The following GAREM1 variants were observed in gnomAD, a reference collection of about 807,000 sequenced individuals.
GAREM1 encodes the protein GRB2-associated and regulator of MAPK protein 1.
Under a neutral mutation model 71.3 loss-of-function variants are expected in GAREM1, and 26 were observed. That is an observed-to-expected ratio of 0.36 (90% CI 0.27 to 0.51). The LOEUF (loss-of-function observed/expected upper bound fraction) is 0.51, where lower values mean the gene tolerates loss of function less well. GAREM1 is among the 20% of genes least tolerant of loss of function. The probability of loss-of-function intolerance (pLI) is 0.95; values close to 1 mark genes in which losing one functional copy is unlikely to be tolerated. For missense variants in GAREM1, 1,026 were observed against 1,103.1 expected (o/e 0.93, Z 0.99); for synonymous variants, 440 against 433.2 (o/e 1.02, Z -0.20).
chr18:32,398,930 A>T (rs2048284489), intron 1 of GAREM1, among the ~76,000 whole-genome samples: 1 of 152,232 alleles, frequency 6.6e-6, no homozygotes, highest in African/African-American at 2.4e-5. Context: ...AAATACTGAC[A>T]AACTGAATCC....
At chr18:32,388,446 G>C (rs969210552) in intron 2 of GAREM1, among the ~76,000 whole-genome samples, 6 of 152,048 alleles carry the variant, frequency 3.9e-5, no homozygotes, top group Admixed American at 1.3e-4. Context: ...GAAAGAGCAA[G>C]ATAGTTACAG....
At chr18:32,286,995 A>G (rs1221718562) in intron 4 of GAREM1, 36 bp downstream of exon 4, 1 of 1,432,712 alleles carries the variant, frequency 7.0e-7, no homozygotes, top group Non-Finnish European at 9.8e-7. Context: ...AGAGACAGAA[A>G]GACTGGCACC....
rs553457164 is a variant in GAREM1, at chr18:32,341,958, G to A, written c.263-31635C>T. On this transcript the variant is annotated intron_variant, in intron 2 of 5. Coordinates refer to ENST00000269209, the MANE Select transcript of GAREM1 (RefSeq NM_001242409.2). ...GCTGAGGTTGCTGGTGATGAGGTAC[G>A]TCTGGGAGGATGACAAAGTGAGGTG... Among the ~76,000 whole-genome samples the A allele has an allele frequency of 5.3e-5, 8 of 152,116 alleles. No individual in the cohort carries two copies. In the East Asian group the frequency reaches 1.5e-3, roughly 29 times the overall value.
chr18:32,294,680 G>A (rs2047122897), intron 3 of GAREM1, among the ~76,000 whole-genome samples: 1 of 152,162 alleles, frequency 6.6e-6, no homozygotes, highest in African/African-American at 2.4e-5. Context: ...TTGAGTCATA[G>A]TTGTTGAATA....
At chr18:32,428,825 T>C (rs1010710744) in intron 1 of GAREM1, among the ~76,000 whole-genome samples, 4 of 152,216 alleles carry the variant, frequency 2.6e-5, no homozygotes, top group Admixed American at 2.6e-4. Context: ...AATGAGTATG[T>C]GGAATCATCT....
Position 32,287,541 on chromosome 18 carries a change from T to C in GAREM1, c.1056A>G (p.Glu352=), listed in dbSNP as rs16962977. 0.036 allele frequency: 57,345 copies of C among 1,614,114 alleles called. 3,148 individuals carry two copies. The highest frequency in any genetic ancestry group is 0.25 in the African/African-American group (18,965 of 74,980). The change falls in exon 4 of 6, where the codon GAA becomes GAG. Residue 352 remains glutamate (E), a synonymous_variant. Transcript: ENST00000269209. The surrounding 1 kb of genome is among the most constrained non-coding windows in gnomAD (Gnocchi z 5.9). The part of the protein sequence containing the change: ...AVRDVKTDWN[E]ECKSPKKGRC... ...GACCCTTCTTGGGGCTCTTGCATTC[T>C]TCATTCCAGTCGGTTTTCACATCAC...
At chr18:32,303,853 C>T (rs2047222592) in intron 3 of GAREM1, among the ~76,000 whole-genome samples, 1 of 151,600 alleles carries the variant, frequency 6.6e-6, no homozygotes, top group African/African-American at 2.4e-5. Flanking sequence ...CCCAGGAGTT[C>T]AAGGCTGCAA....
intron 1 of GAREM1, among the ~76,000 whole-genome samples, chr18:32,396,733 C>A (rs2048260898): frequency 1.3e-5 from 2 of 152,184 alleles, no homozygotes; most frequent in Admixed American, 1.3e-4. Flanking sequence ...AAACACTGTG[C>A]AGGATATTAT....
Position 32,287,369 on chromosome 18 carries a change from C to T in GAREM1, c.1228G>A (p.Gly410Arg), listed in dbSNP as rs2047032945. Reference protein sequence around the residue: ...EVNLHGCRDLGGDWAPFPHDI... With the variant: ...EVNLHGCRDLRGDWAPFPHDI... ...TGAGGAAAGGGAGCCCAATCTCCCCCCAGGTCCCTGCAACCATGAAGGTTC... is the reference window on the plus strand; with the variant it reads ...TGAGGAAAGGGAGCCCAATCTCCCCTCAGGTCCCTGCAACCATGAAGGTTC... The change falls in exon 4 of 6, where the codon GGG (glycine) becomes AGG (arginine). Residue 410 changes from glycine (G) to arginine (R), a missense_variant. Gly to Arg is a moderately radical substitution (Grantham distance 125). Coordinates refer to ENST00000269209, the MANE Select transcript of GAREM1 (RefSeq NM_001242409.2). The surrounding 1 kb of genome is among the most constrained non-coding windows in gnomAD (Gnocchi z 5.9). 1.2e-6 allele frequency: 2 copies of T among 1,614,234 alleles called. No individual in the cohort carries two copies. Among genetic ancestry groups the T allele is most frequent in the East Asian group, 2.2e-5 (1 of 44,878 alleles).
chr18:32,451,183 G>A (rs1468366594), intron 1 of GAREM1, among the ~76,000 whole-genome samples: 3 of 152,026 alleles, frequency 2.0e-5, no homozygotes, highest in African/African-American at 4.8e-5. Context: ...AATCATGGAA[G>A]CACAAACTGA....
At chr18:32,335,899 G>A (rs1161093734) in intron 2 of GAREM1, among the ~76,000 whole-genome samples, 1 of 152,192 alleles carries the variant, frequency 6.6e-6, no homozygotes, top group Non-Finnish European at 1.5e-5. Context: ...CAATGGGTTG[G>A]GCTGATGGTG....
intron 1 of GAREM1, among the ~76,000 whole-genome samples, chr18:32,410,247 A>G (rs1048404187): frequency 6.6e-6 from 1 of 152,184 alleles, no homozygotes; most frequent in Non-Finnish European, 1.5e-5. Context: ...ACTTAAATGT[A>G]TTTATTATTC....
rs1454096609 is a variant in GAREM1, at chr18:32,364,019, TATATATA to T, written c.262+28869_262+28875del. 1.0e-4 allele frequency among the ~76,000 whole-genome samples: 7 copies of T among 69,318 alleles called. No individual in the cohort carries two copies. In the East Asian group the frequency reaches 1.9e-3, roughly 18 times the overall value. 45.5% of individuals were successfully genotyped at this position (69,318 alleles called of 152,430 possible). On this transcript the variant is annotated intron_variant, in intron 2 of 5. Coordinates refer to ENST00000269209, the MANE Select transcript of GAREM1 (RefSeq NM_001242409.2). ...ACATATATATATATATATATATATA[TATATATA>T]TGTTTTTTTTTTTTTTTTTTTTTTG...
At chr18:32,344,993 C>T (rs1192665335) in intron 2 of GAREM1, among the ~76,000 whole-genome samples, 4 of 152,004 alleles carry the variant, frequency 2.6e-5, no homozygotes, top group Admixed American at 6.6e-5. Flanking sequence ...ACCAGGGAGG[C>T]GGAGGTTGCA....
At chr18:32,434,965 T>C (rs774509138) in intron 1 of GAREM1, among the ~76,000 whole-genome samples, 6 of 152,172 alleles carry the variant, frequency 3.9e-5, no homozygotes, top group Non-Finnish European at 7.4e-5. Flanking sequence ...TAATGAGCTA[T>C]ATTGACATCA....
rs2048949785 is a variant in GAREM1, at chr18:32,460,958, T to G, written c.121+9350A>C. 3.3e-5 allele frequency among the ~76,000 whole-genome samples: 5 copies of G among 152,208 alleles called. No individual in the cohort carries two copies. The South Asian group carries it at 1.0e-3, about 31-fold the overall frequency. ...AAAGGTGAAAAATCGAAAAATGAGT[T>G]GTACTTTCCAGAAATACTTTATTTA... On this transcript the variant is annotated intron_variant, in intron 1 of 5. Transcript: ENST00000269209.
intron 2 of GAREM1, among the ~76,000 whole-genome samples, chr18:32,348,610 G>A (rs1325221391): frequency 1.3e-5 from 2 of 152,084 alleles, no homozygotes; most frequent in African/African-American, 4.8e-5. Flanking sequence ...TGTAATTCCA[G>A]CTACTGAGGA....
chr18:32,469,801 C>G (rs753028744), intron 1 of GAREM1, among the ~76,000 whole-genome samples: 2 of 152,154 alleles, frequency 1.3e-5, no homozygotes, highest in Non-Finnish European at 2.9e-5. Flanking sequence ...ACAAAACAGA[C>G]AAGCTGTAAT....
chr18:32,432,495 CA>C (rs1190907202), intron 1 of GAREM1, among the ~76,000 whole-genome samples: 3 of 151,846 alleles, frequency 2.0e-5, no homozygotes, highest in Admixed American at 2.0e-4. Context: ...AGAGAAAAAT[CA>C]ATAAGTCTAA....
Sources: allele counts gnomAD v4.1 joint callset (sites outside exome capture counted in the v4.1 genomes callset), GRCh38; gene constraint gnomAD v4.1.1; non-coding constraint Gnocchi (gnomAD v3.1); transcripts MANE v1.5; gene names NCBI Gene and HGNC (gene_info 2026-07-23, HGNC 2026-07-21).